The following KCNA7 variants were observed in gnomAD, a reference collection of about 807,000 sequenced individuals.
The protein encoded by KCNA7 is potassium voltage-gated channel subfamily A member 7.
A neutral mutation model predicts 21.5 loss-of-function variants in KCNA7; 15 were observed. The ratio of observed to expected loss-of-function variants is 0.70; its 90% CI spans 0.47 to 1.07. The LOEUF (loss-of-function observed/expected upper bound fraction) is 1.07. Among genes scored for constraint, KCNA7 ranks in the 50% least tolerant of loss-of-function variants. The pLI, the probability that KCNA7 is intolerant of heterozygous loss-of-function variation, is 0.00. For missense variants in KCNA7, 640 were observed against 651.6 expected, an observed-to-expected ratio of 0.98 and a Z score of 0.19; for synonymous variants, 298 against 291.0, an observed-to-expected ratio of 1.02 and a Z score of -0.24.
Position 49,072,133 on chromosome 19 carries a change from C to G in KCNA7, c.453G>C (p.Leu151=), listed in dbSNP as rs1183210091. 1 of 1,612,364 alleles carries G rather than the reference C, an allele frequency of 6.2e-7. No individual in the cohort carries two copies. The highest frequency in any genetic ancestry group is 8.5e-7 in the Non-Finnish European group (1 of 1,179,712). ...AGACGACGATGGAGACGAGGATGAC[C>G]AGCACGGAGACTACGGCGAGCACGC... is the stretch of plus-strand genomic sequence containing the variant. ...AARVLAVVSV[L]VILVSIVVFC... The change falls in exon 1 of 2, where the codon CTG becomes CTC. Residue 151 remains leucine (L), a synonymous_variant. Transcript: ENST00000221444.
In KCNA7 at chr19:49,070,435, G is replaced by C. The variant is rs147370499; in HGVS notation, c.999C>G (p.Ala333=). Residue 333 remains alanine, a synonymous_variant, in exon 2 of 2, where the codon GCC becomes GCG. Coordinates refer to ENST00000221444, the MANE Select transcript of KCNA7 (RefSeq NM_031886.3). The surrounding 1 kb of genome is among the most constrained non-coding windows in gnomAD (Gnocchi z 4.3). The part of the protein sequence containing the change: ...VVLFSSAVYF[A]EVDRVDSHFT... ...AATGGGAGTCCACCCGGTCAACTTC[G>C]GCAAAGTAGACGGCGCTGGAAAAGA... is the stretch of plus-strand genomic sequence containing the variant. 1 of 1,614,096 alleles carries C rather than the reference G, an allele frequency of 6.2e-7. No homozygotes were observed. Among genetic ancestry groups the C allele is most frequent in the East Asian group, 2.2e-5 (1 of 44,880 alleles).
rs764482509 is a variant in KCNA7 at position 49,070,596 on chromosome 19, T to C, written c.838A>G (p.Ile280Val). Reference protein sequence around the residue: ...QAMSLAILRVIRLVRVFRIFK... With the variant: ...QAMSLAILRVVRLVRVFRIFK... ...ATGCGGAAGACACGCACCAATCGGATGACTCTCAGGATGGCCAGTGACATG... is the reference window on the plus strand; with the variant it reads ...ATGCGGAAGACACGCACCAATCGGACGACTCTCAGGATGGCCAGTGACATG... Residue 280 changes from isoleucine to valine, a missense_variant, in exon 2 of 2, where the codon ATC (isoleucine) becomes GTC (valine). By Grantham distance (29) the Ile-to-Val change is conservative. Coordinates refer to ENST00000221444, the MANE Select transcript of KCNA7 (RefSeq NM_031886.3). This position sits in a 1 kb window ranked among gnomAD's most constrained non-coding sequence, Gnocchi z 4.3. 6.2e-7 allele frequency: 1 copy of C among 1,614,198 alleles called. No homozygotes were observed. The highest frequency in any genetic ancestry group is 8.5e-7 in the Non-Finnish European group (1 of 1,180,024).
chr19:49,069,879 A>G lies in KCNA7; in HGVS notation c.*184T>C. The stretch of plus-strand genomic sequence containing the variant: ...CATTGCCATTCGCTGCTGCTTCAGG[A>G]GGTACCCACAGGAGCTACCAAACCA... On this transcript the variant is annotated 3_prime_UTR_variant, in exon 2 of 2. Coordinates refer to ENST00000221444, the MANE Select transcript of KCNA7 (RefSeq NM_031886.3). 1.7e-6 allele frequency: 1 copy of G among 587,332 alleles called. No homozygotes were observed. Among genetic ancestry groups the G allele is most frequent in the Non-Finnish European group, 3.0e-6 (1 of 331,026 alleles). 36.4% of individuals were successfully genotyped at this position (587,332 alleles called of 1,614,324 possible). A position where few individuals can be genotyped will look rare whatever the true frequency, so the allele number is the denominator to read the frequency against.
At position 49,070,927 on chromosome 19, in the gene KCNA7, G is replaced by A. The variant is rs779021461; in HGVS notation, c.556-49C>T. 1.4e-5 allele frequency: 21 copies of A among 1,475,060 alleles called. 1 individual carries two copies. The highest frequency in any genetic ancestry group is 1.1e-4 in the South Asian group (9 of 79,572). 91.4% of individuals were successfully genotyped at this position (1,475,060 alleles called of 1,614,324 possible). On this transcript the variant is annotated intron_variant, in intron 1 of 1. Coordinates refer to ENST00000221444, the MANE Select transcript of KCNA7 (RefSeq NM_031886.3). The surrounding 1 kb of genome is among the most constrained non-coding windows in gnomAD (Gnocchi z 4.3). ...GAGGGTCAGGCTGGGGCTAGGACAC[G>A]GGGACAGCCTTAATCATCATTTAAA...
rs2122252789 is a variant in KCNA7, at chr19:49,069,986, C to T, written c.*77G>A. ...GCTCTTCCTAAACCCAATCCCCTCC[C>T]CCCAGCCTTGCCCTCCACCCTGCCC... On this transcript the variant is annotated 3_prime_UTR_variant, in exon 2 of 2. Coordinates refer to ENST00000221444, the MANE Select transcript of KCNA7 (RefSeq NM_031886.3). 1 of 1,176,100 alleles carries T rather than the reference C, an allele frequency of 8.5e-7. No homozygotes were observed. Among genetic ancestry groups the T allele is most frequent in the South Asian group, 1.4e-5 (1 of 69,408 alleles). 72.9% of individuals were successfully genotyped at this position (1,176,100 alleles called of 1,614,324 possible).
intron 1 of KCNA7, among the ~76,000 whole-genome samples, chr19:49,071,346 A>G (rs2040256287): frequency 1.3e-5 from 2 of 152,046 alleles, no homozygotes; most frequent in Non-Finnish European, 2.9e-5. Context: ...TCACGAGGTC[A>G]GGAAATAGAG....
chr19:49,072,609 G>T lies in KCNA7; in HGVS notation c.-24C>A. 1 of 1,191,794 alleles carries T rather than the reference G, an allele frequency of 8.4e-7. No homozygotes were observed. The highest frequency in any genetic ancestry group is 1.0e-6 in the Non-Finnish European group (1 of 965,202). The allele number at this position is 1,191,794 out of a possible 1,614,324, so 73.8% of individuals were successfully genotyped here. ...ATGGCGCGCGCAGCCCCGGCGACCC[G>T]CGAACCGACGTGTGGCCCCGACGCC... On this transcript the variant is annotated 5_prime_UTR_variant, in exon 1 of 2. Transcript: ENST00000221444.
rs200316299 is a variant in KCNA7 at position 49,070,557 on chromosome 19, G to A, written c.877C>T (p.Arg293Trp). The A allele has an allele frequency of 1.1e-5, 17 of 1,614,056 alleles. No homozygotes were observed. The highest frequency in any genetic ancestry group is 8.3e-5 in the Admixed American group (5 of 60,010). ...AAGATTTGCAGGCCCTTTGAGTGCC[G>A]GGACAGCTTGAAGATGCGGAAGACA... Reference protein sequence around the residue: ...VRVFRIFKLSRHSKGLQILGQ... With the variant: ...VRVFRIFKLSWHSKGLQILGQ... The change falls in exon 2 of 2, where the codon CGG becomes TGG. Residue 293 changes from arginine (R) to tryptophan (W), a missense_variant. Physicochemically the swap from Arg to Trp is moderately radical, Grantham distance 101. Transcript: ENST00000221444. This position sits in a 1 kb window ranked among gnomAD's most constrained non-coding sequence, Gnocchi z 4.3.
chr19:49,071,546 A>G (rs1437435196), intron 1 of KCNA7, among the ~76,000 whole-genome samples: 3 of 149,888 alleles, frequency 2.0e-5, no homozygotes, highest in Non-Finnish European at 4.4e-5. Context: ...ACAGAGCAAG[A>G]CTCTGTCTCA....
rs1287745389 is a variant in KCNA7 at position 49,070,792 on chromosome 19, C to T, written c.642G>A (p.Thr214=). ...PFNDPFFVVE[T]LCICWFSFEL... ...CAAAGGAGAACCAACAAATACACAG[C>T]GTCTCCACCACGAAGAACGGGTCAT... The change falls in exon 2 of 2, where the codon ACG becomes ACA. Residue 214 remains threonine (T), a synonymous_variant. Coordinates refer to ENST00000221444, the MANE Select transcript of KCNA7 (RefSeq NM_031886.3). The surrounding 1 kb of genome is among the most constrained non-coding windows in gnomAD (Gnocchi z 4.3). The T allele has an allele frequency of 2.5e-6, 4 of 1,614,180 alleles. No homozygotes were observed. Among genetic ancestry groups the T allele is most frequent in the Non-Finnish European group, 3.4e-6 (4 of 1,180,042 alleles).
In KCNA7 at chr19:49,072,031, C is replaced by G. The variant is rs201446279; in HGVS notation, c.555G>C (p.Pro185=). 1.2e-5 allele frequency: 19 copies of G among 1,594,854 alleles called. No individual in the cohort carries two copies. The African/African-American group carries it at 2.3e-4, about 19-fold the overall frequency. Residue 185 remains proline, a splice_region_variant and synonymous_variant, in exon 1 of 2, where the codon CCG becomes CCC. Coordinates refer to ENST00000221444, the MANE Select transcript of KCNA7 (RefSeq NM_031886.3). ...TCTCCACCCACGCCCCGCCTCTCACCGGGCCGGCTGCGGCTGCAGCAGCAA... is the reference window on the plus strand; with the variant it reads ...TCTCCACCCACGCCCCGCCTCTCACGGGGCCGGCTGCGGCTGCAGCAGCAA... The part of the protein sequence containing the change: ...TGLAAAAAAG[P]FPAPLNGSSQ...
intron 1 of KCNA7, among the ~76,000 whole-genome samples, chr19:49,071,141 AG>A (rs934360279): frequency 6.6e-6 from 1 of 152,062 alleles, no homozygotes; most frequent in Non-Finnish European, 1.5e-5. Flanking sequence ...ATGTTTGAGT[AG>A]GGTGCAACCT....
At position 49,072,538 on chromosome 19, in the gene KCNA7, C is replaced by G; in HGVS notation, c.48G>C (p.Val16=). The G allele has an allele frequency of 7.1e-7, 1 of 1,418,278 alleles. No homozygotes were observed. The highest frequency in any genetic ancestry group is 9.2e-7 in the Non-Finnish European group (1 of 1,092,888). 87.9% of individuals were successfully genotyped at this position (1,418,278 alleles called of 1,614,324 possible). A position where few individuals can be genotyped will look rare whatever the true frequency, so the allele number is the denominator to read the frequency against. Residue 16 remains valine (V), a synonymous_variant, in exon 1 of 2, where the codon GTG becomes GTC. Transcript: ENST00000221444. Reference sequence around the variant, plus strand: ...CGAAGCGCAGCCCGGCCACGTTGAGCACCAGCCGCTCGCAGCAGCCGCACG... The same window carrying G: ...CGAAGCGCAGCCCGGCCACGTTGAGGACCAGCCGCTCGCAGCAGCCGCACG... The part of the protein sequence containing the change: ...PPPCGCCERL[V]LNVAGLRFET...
In KCNA7 at chr19:49,070,182, T is replaced by G. The variant is rs1239018197; in HGVS notation, c.1252A>C (p.Met418Leu). The G allele has an allele frequency of 1.9e-6, 3 of 1,614,064 alleles. No homozygotes were observed. Among genetic ancestry groups the G allele is most frequent in the Non-Finnish European group, 2.5e-6 (3 of 1,180,038 alleles). ...EEAGMFSHVDMQPCGPLEGKA... is the reference protein window; with the variant it reads ...EEAGMFSHVDLQPCGPLEGKA... ...CCCTCCAGTGGGCCACAAGGCTGCA[T>G]GTCCACATGGCTGAACATCCCAGCC... The change falls in exon 2 of 2, where the codon ATG (methionine) becomes CTG (leucine). Residue 418 changes from methionine to leucine, a missense_variant. Transcript: ENST00000221444. This position sits in a 1 kb window ranked among gnomAD's most constrained non-coding sequence, Gnocchi z 4.3.
rs561867781 is a variant in KCNA7, at chr19:49,070,862, T to A, written c.572A>T (p.Asn191Ile). 5.0e-6 allele frequency: 8 copies of A among 1,613,438 alleles called. No homozygotes were observed. In the East Asian group the frequency reaches 1.8e-4, roughly 36 times the overall value. Reference sequence around the variant, plus strand: ...ATTTCCAGGCATTTGGCTGGAGCCATTCAGCGGAGCGGGGAACTGCAGGGA... The same window carrying A: ...ATTTCCAGGCATTTGGCTGGAGCCAATCAGCGGAGCGGGGAACTGCAGGGA... Reference protein sequence around the residue: ...AAAGPFPAPLNGSSQMPGNPP... With the variant: ...AAAGPFPAPLIGSSQMPGNPP... Residue 191 changes from asparagine (N) to isoleucine (I), a missense_variant, in exon 2 of 2, where the codon AAT becomes ATT. Physicochemically the swap from Asn to Ile is moderately radical, Grantham distance 149. Transcript: ENST00000221444. This position sits in a 1 kb window ranked among gnomAD's most constrained non-coding sequence, Gnocchi z 4.3.
In KCNA7 at chr19:49,069,162, C is replaced by T. The variant is rs763090471; in HGVS notation, c.*901G>A. 10 of 152,244 alleles carry T rather than the reference C, an allele frequency of 6.6e-5. No individual in the cohort carries two copies. The highest frequency in any genetic ancestry group is 1.2e-4 in the Non-Finnish European group (8 of 68,090). 9.4% of individuals were successfully genotyped at this position (152,244 alleles called of 1,614,324 possible). A position where few individuals can be genotyped will look rare whatever the true frequency, so the allele number is the denominator to read the frequency against. On this transcript the variant is annotated 3_prime_UTR_variant, in exon 2 of 2. Transcript: ENST00000221444. The stretch of plus-strand genomic sequence containing the variant: ...TGCTACCACTAAATGCAAAACAGCC[C>T]GATGTGGCCCTATGGAACTCGTTCG...
chr19:49,069,864 C>T lies in KCNA7; in HGVS notation c.*199G>A, dbSNP rs757872442. 24 of 580,068 alleles carry T rather than the reference C, an allele frequency of 4.1e-5. No individual in the cohort carries two copies. In the Admixed American group the frequency reaches 5.1e-4, roughly 12 times the overall value. The allele number at this position is 580,068 out of a possible 1,614,324, so 35.9% of individuals were successfully genotyped here. On this transcript the variant is annotated 3_prime_UTR_variant, in exon 2 of 2. Transcript: ENST00000221444. The stretch of plus-strand genomic sequence containing the variant: ...TAACACAACACAACCCATTGCCATT[C>T]GCTGCTGCTTCAGGAGGTACCCACA...
rs760821999 is a variant in KCNA7 at position 49,072,441 on chromosome 19, A to G, written c.145T>C (p.Tyr49His). The G allele has an allele frequency of 6.4e-7, 1 of 1,574,288 alleles. No homozygotes were observed. The highest frequency in any genetic ancestry group is 8.6e-7 in the Non-Finnish European group (1 of 1,169,206). The change falls in exon 1 of 2, where the codon TAC becomes CAC. Residue 49 changes from tyrosine (Y) to histidine (H), a missense_variant. Coordinates refer to ENST00000221444, the MANE Select transcript of KCNA7 (RefSeq NM_031886.3). ...LGDPARRGRF[Y>H]DDARREYFFD... ...AAATACTCGCGGCGCGCGTCGTCGT[A>G]GAAGCGGCCGCGGCGCGCTGGGTCC...
Position 49,072,469 on chromosome 19 carries a change from T to A in KCNA7, c.117A>T (p.Leu39=). 6.4e-7 allele frequency: 1 copy of A among 1,559,308 alleles called. No homozygotes were observed. The highest frequency in any genetic ancestry group is 8.6e-7 in the Non-Finnish European group (1 of 1,162,806). ...AGCGGCCGCGGCGCGCTGGGTCCCCTAGCAGAGTGTCCGGGAAGCGGCCCA... is the reference window on the plus strand; with the variant it reads ...AGCGGCCGCGGCGCGCTGGGTCCCCAAGCAGAGTGTCCGGGAAGCGGCCCA... ...RTLGRFPDTL[L]GDPARRGRFY... The change falls in exon 1 of 2, where the codon CTA becomes CTT. Residue 39 remains leucine (L), a synonymous_variant. Transcript: ENST00000221444.
Sources: allele counts gnomAD v4.1 joint callset (sites outside exome capture counted in the v4.1 genomes callset), GRCh38; gene constraint gnomAD v4.1.1; non-coding constraint Gnocchi (gnomAD v3.1); transcripts MANE v1.5; gene names NCBI Gene and HGNC (gene_info 2026-07-23, HGNC 2026-07-21).